PIGL: variants seen among roughly 807,000 people sequenced by gnomAD.
PIGL encodes the protein N-acetylglucosaminyl-phosphatidylinositol de-N-acetylase.
In PIGL, 22 loss-of-function variants were observed where a neutral mutation model predicts 31.1. The observed-to-expected ratio is 0.71, with a 90% CI of 0.51 to 1.01. The LOEUF is 1.01. Ranked by LOEUF, PIGL falls within the 50% of genes least tolerant of loss-of-function variation. The pLI is 0.00. For missense variants in PIGL, 302 were observed against 315.9 expected (o/e 0.96, Z 0.33); for synonymous variants, 131 against 117.4 (o/e 1.12, Z -0.75).
chr17:16,234,306 C>G (rs2142679230), intron 2 of PIGL, among the ~76,000 whole-genome samples: 1 of 150,944 alleles, frequency 6.6e-6, no homozygotes, highest in African/African-American at 2.4e-5. Context: ...ACTAAAAATA[C>G]AAAAATTAGC....
chr17:16,234,784 A>C (rs958680160), intron 2 of PIGL, among the ~76,000 whole-genome samples: 1 of 152,116 alleles, frequency 6.6e-6, no homozygotes, highest in African/African-American at 2.4e-5. Context: ...AATAATAATA[A>C]CTTCACATTT....
chr17:16,309,113 T>C (rs562677070), intron 3 of PIGL, among the ~76,000 whole-genome samples: 22 of 152,260 alleles, frequency 1.4e-4, no homozygotes, highest in African/African-American at 5.3e-4. Flanking sequence ...TTTGAGGTTG[T>C]GGTAATAGCT....
At position 16,232,797 on chromosome 17, in the gene PIGL, A is replaced by G. The variant is rs528565200; in HGVS notation, c.236-1174A>G. 4.6e-5 allele frequency among the ~76,000 whole-genome samples: 7 copies of G among 151,508 alleles called. No homozygotes were observed. In the South Asian group the frequency reaches 1.5e-3, roughly 32 times the overall value. ...AAAAAAAAACGCAAAAAAAGGTATG[A>G]TGAGGACAATACAAAACTAAACCTG... is the stretch of plus-strand genomic sequence containing the variant. On this transcript the variant is annotated intron_variant, in intron 1 of 6. Transcript: ENST00000225609.
chr17:16,299,319 G>T (rs915714186), intron 2 of PIGL, among the ~76,000 whole-genome samples: 1 of 152,026 alleles, frequency 6.6e-6, no homozygotes, highest in Non-Finnish European at 1.5e-5. Context: ...GCTGGGCGTG[G>T]TGGTGGGTGC....
intron 2 of PIGL, among the ~76,000 whole-genome samples, chr17:16,260,052 A>G (rs917989944): frequency 6.6e-6 from 1 of 152,118 alleles, no homozygotes; most frequent in Non-Finnish European, 1.5e-5. Context: ...CAGCACTGAT[A>G]CACCAGCCCC....
intron 1 of PIGL, among the ~76,000 whole-genome samples, chr17:16,226,998 T>C (rs953017282): frequency 3.9e-5 from 6 of 152,220 alleles, no homozygotes; most frequent in Non-Finnish European, 8.8e-5. Context: ...ATGTTTGCCT[T>C]TTATCTCACA....
intron 2 of PIGL, among the ~76,000 whole-genome samples, chr17:16,284,288 T>C (rs1225594743): frequency 6.6e-6 from 1 of 152,130 alleles, no homozygotes; most frequent in Non-Finnish European, 1.5e-5. Context: ...GAAAGTTGCT[T>C]TTATAAACAG....
chr17:16,254,756 C>G (rs989428403), intron 2 of PIGL, among the ~76,000 whole-genome samples: 2 of 152,086 alleles, frequency 1.3e-5, no homozygotes, highest in African/African-American at 4.8e-5. Context: ...AGGCGCCCAC[C>G]ACCACGTCCG....
intron 2 of PIGL, among the ~76,000 whole-genome samples, chr17:16,254,379 C>A (rs1370564116): frequency 6.6e-6 from 1 of 152,108 alleles, no homozygotes; most frequent in African/African-American, 2.4e-5. Context: ...AGCGATTCTC[C>A]TACCTCAGCC....
chr17:16,219,412 G>A (rs1330399429), intron 1 of PIGL, among the ~76,000 whole-genome samples: 1 of 151,982 alleles, frequency 6.6e-6, no homozygotes, highest in Non-Finnish European at 1.5e-5. Flanking sequence ...AAAAACCTTT[G>A]TTACCAGTAA....
intron 2 of PIGL, among the ~76,000 whole-genome samples, chr17:16,257,271 G>A (rs1183532517): frequency 2.6e-5 from 4 of 151,960 alleles, no homozygotes; most frequent in Non-Finnish European, 4.4e-5. Context: ...ACAAAAATTA[G>A]CCAGGCCTGG....
chr17:16,298,541 G>A (rs989709768), intron 2 of PIGL, among the ~76,000 whole-genome samples: 14 of 152,312 alleles, frequency 9.2e-5, no homozygotes, highest in African/African-American at 3.1e-4. Context: ...GTGGCCAGGT[G>A]GAGACACAGA....
chr17:16,262,327 C>T (rs1373671769), intron 2 of PIGL, among the ~76,000 whole-genome samples: 4 of 152,184 alleles, frequency 2.6e-5, no homozygotes, highest in Non-Finnish European at 4.4e-5. Flanking sequence ...CACATGAAAA[C>T]ATGTTCAACA....
chr17:16,283,988 G>T (rs8082513), intron 2 of PIGL: 1,764 of 120,684 alleles, frequency 0.015, 34 homozygotes, highest in African/African-American at 0.043. Flanking sequence ...CTTTTTTTTT[G>T]TTTTGAGACG....
intron 3 of PIGL, among the ~76,000 whole-genome samples, chr17:16,306,072 C>T (rs1332759663): frequency 6.6e-6 from 1 of 152,168 alleles, no homozygotes; most frequent in East Asian, 1.9e-4. Context: ...CCTCAGCCTC[C>T]CGAGTAGCTG....
rs1310098641 is a variant in PIGL, at chr17:16,268,360, ACTTCCT to A, written c.336-31518_336-31513del. Among the ~76,000 whole-genome samples the A allele has an allele frequency of 1.0e-4, 13 of 129,860 alleles. No homozygotes were observed. In the Admixed American group the frequency reaches 1.1e-3, roughly 11 times the overall value. The allele number at this position is 129,860 out of a possible 152,430, so 85.2% of individuals were successfully genotyped here. The stretch of plus-strand genomic sequence containing the variant: ...TCTGAGCCATTTCCCTTCTGTTGCC[ACTTCCT>A]CTTCCTCTTTTAAGTGAAACATTAC... On this transcript the variant is annotated intron_variant, in intron 2 of 6. Coordinates refer to ENST00000225609, the MANE Select transcript of PIGL (RefSeq NM_004278.4).
At chr17:16,321,082 C>G (rs141125271) in intron 6 of PIGL, among the ~76,000 whole-genome samples, 4 of 151,794 alleles carry the variant, frequency 2.6e-5, no homozygotes, top group Admixed American at 2.6e-4. Context: ...GGACTACAGG[C>G]GCATGCCACC....
At chr17:16,273,684 G>A (rs1320455410) in intron 2 of PIGL, among the ~76,000 whole-genome samples, 1 of 152,032 alleles carries the variant, frequency 6.6e-6, no homozygotes, top group Non-Finnish European at 1.5e-5. Flanking sequence ...TGACCAATTG[G>A]TTGTCAAAGA....
chr17:16,322,572 A>G (rs1352564620), intron 6 of PIGL, among the ~76,000 whole-genome samples: 3 of 152,292 alleles, frequency 2.0e-5, no homozygotes, highest in South Asian at 4.1e-4. Flanking sequence ...TATAGACTCC[A>G]TTGTGAGTTC....
Sources: gnomAD v4.1 joint callset for allele counts (sites outside exome capture counted in the v4.1 genomes callset) on GRCh38, gnomAD v4.1.1 for gene constraint, MANE v1.5 for transcripts, NCBI Gene and HGNC (gene_info 2026-07-23, HGNC 2026-07-21) for gene names.